The following MARCHF1 variants were observed in gnomAD, a reference collection of about 807,000 sequenced individuals.
MARCHF1 encodes membrane associated ring-CH-type finger 1.
In MARCHF1, 40 loss-of-function variants were observed where a neutral mutation model predicts 54.2. That is an observed-to-expected ratio of 0.74 (90% CI 0.57 to 0.96). The LOEUF (loss-of-function observed/expected upper bound fraction) is 0.96, where lower values mean the gene tolerates loss of function less well. MARCHF1 is among the 40% of genes least tolerant of loss of function. The pLI is 0.00. For synonymous variants in MARCHF1, 236 were observed against 236.3 expected (o/e 1.00, Z 0.01); for missense variants, 586 against 656.5 (o/e 0.89, Z 1.17).
chr4:163,535,269 A>G (rs1362319949), intron 9 of MARCHF1, among the ~76,000 whole-genome samples: 2 of 152,136 alleles, frequency 1.3e-5, no homozygotes, highest in African/African-American at 2.4e-5. Context: ...TATCAGGCTG[A>G]TACAATACAA....
chr4:163,926,761 A>G (rs1406302853), intron 3 of MARCHF1, among the ~76,000 whole-genome samples: 1 of 151,702 alleles, frequency 6.6e-6, no homozygotes, highest in African/African-American at 2.4e-5. Flanking sequence ...AAGAGTTTTT[A>G]AAGAAAAAGA....
intron 2 of MARCHF1, among the ~76,000 whole-genome samples, chr4:164,071,326 A>G (rs1312098659): frequency 6.6e-6 from 1 of 152,200 alleles, no homozygotes. Flanking sequence ...AAAACAAAAG[A>G]AAGTATAATT....
intron 1 of MARCHF1, among the ~76,000 whole-genome samples, chr4:164,370,666 T>C (rs1033186066): frequency 6.6e-6 from 1 of 152,228 alleles, no homozygotes; most frequent in African/African-American, 2.4e-5. Flanking sequence ...CCCAGCACTT[T>C]GGGAAGCCCA....
intron 1 of MARCHF1, among the ~76,000 whole-genome samples, chr4:164,306,719 T>G (rs1734705886): frequency 6.6e-6 from 1 of 152,160 alleles, no homozygotes; most frequent in Non-Finnish European, 1.5e-5. Flanking sequence ...ACAGAAAGGT[T>G]GCAAATTTTT....
Position 163,921,816 on chromosome 4 carries a change from C to T in MARCHF1, c.-39+66685G>A, listed in dbSNP as rs1751436347. Among the ~76,000 whole-genome samples the T allele has an allele frequency of 3.3e-5, 5 of 152,182 alleles. No homozygotes were observed. The South Asian group carries it at 1.0e-3, about 32-fold the overall frequency. On this transcript the variant is annotated intron_variant, in intron 3 of 9. Coordinates refer to ENST00000514618, the MANE Select transcript of MARCHF1 (RefSeq NM_001394959.1). Reference sequence around the variant, plus strand: ...AGACTTTGAAGTTGGGAAAAATTCTCAGGAATCTTGGAAATTGGCAAAGGT... The same window carrying T: ...AGACTTTGAAGTTGGGAAAAATTCTTAGGAATCTTGGAAATTGGCAAAGGT...
At chr4:163,962,162 A>G (rs1752356107) in intron 3 of MARCHF1, among the ~76,000 whole-genome samples, 1 of 151,976 alleles carries the variant, frequency 6.6e-6, no homozygotes, top group African/African-American at 2.4e-5. Flanking sequence ...CCTAAAGCCA[A>G]TAGCCTAAAT....
chr4:163,995,010 G>T (rs1453935286), intron 2 of MARCHF1, among the ~76,000 whole-genome samples: 1 of 151,964 alleles, frequency 6.6e-6, no homozygotes, highest in East Asian at 1.9e-4. Context: ...AAGCAATTCT[G>T]CAGCAGACAC....
chr4:163,559,675 C>CT (rs1739404954), intron 8 of MARCHF1, among the ~76,000 whole-genome samples: 2 of 152,224 alleles, frequency 1.3e-5, no homozygotes, highest in African/African-American at 4.8e-5. Context: ...TGTCCTATGT[C>CT]TATTATTCCT....
chr4:163,897,627 C>T (rs1354718678), intron 3 of MARCHF1, among the ~76,000 whole-genome samples: 4 of 152,090 alleles, frequency 2.6e-5, no homozygotes, highest in African/African-American at 7.2e-5. Flanking sequence ...GGAAAGAACA[C>T]ACTATTCAAT....
intron 2 of MARCHF1, among the ~76,000 whole-genome samples, chr4:164,036,365 G>T (rs1232901426): frequency 2.6e-5 from 4 of 152,104 alleles, no homozygotes; most frequent in Admixed American, 1.3e-4. Context: ...GAAGCAAGCT[G>T]CTAGGAGTAT....
chr4:163,831,501 G>T (rs1749024203), intron 4 of MARCHF1, among the ~76,000 whole-genome samples: 1 of 152,110 alleles, frequency 6.6e-6, no homozygotes, highest in East Asian at 1.9e-4. Context: ...TGAGGTGGGG[G>T]GATTGCTTGA....
chr4:164,172,186 C>A (rs1730543810), intron 1 of MARCHF1, among the ~76,000 whole-genome samples: 1 of 152,008 alleles, frequency 6.6e-6, no homozygotes, highest in Non-Finnish European at 1.5e-5. Context: ...TCATTATTTC[C>A]CCAGTGCCTA....
At chr4:164,268,527 C>T (rs556591882) in intron 1 of MARCHF1, among the ~76,000 whole-genome samples, 1 of 152,252 alleles carries the variant, frequency 6.6e-6, no homozygotes, top group South Asian at 2.1e-4. Context: ...AGCTTGGGTT[C>T]TGTGCCCACA....
intron 7 of MARCHF1, among the ~76,000 whole-genome samples, chr4:163,596,951 A>AGTT (rs1553995442): frequency 6.6e-6 from 1 of 150,668 alleles, no homozygotes; most frequent in Non-Finnish European, 1.5e-5. Context: ...TAATTACCCC[A>AGTT]ATTATTATTA....
At chr4:163,612,205 G>T in intron 7 of MARCHF1, 66 bp downstream of exon 7, 1 of 1,299,324 alleles carries the variant, frequency 7.7e-7, no homozygotes, top group Non-Finnish European at 1.0e-6. Flanking sequence ...TGTCAAACAC[G>T]CACCTAACTC....
intron 1 of MARCHF1, chr4:164,189,506 C>A (rs1731066957): frequency 5.4e-6 from 4 of 745,880 alleles, no homozygotes; most frequent in South Asian, 4.5e-5. Context: ...GTTAAAAAGT[C>A]CTTCAATGGC....
chr4:163,999,189 A>G (rs1753138781), intron 2 of MARCHF1, among the ~76,000 whole-genome samples: 1 of 151,634 alleles, frequency 6.6e-6, no homozygotes, highest in Admixed American at 6.6e-5. Context: ...CAATGTATAT[A>G]TATTTCAAAA....
At chr4:164,292,010 G>T (rs1480264843) in intron 1 of MARCHF1, among the ~76,000 whole-genome samples, 2 of 151,908 alleles carry the variant, frequency 1.3e-5, no homozygotes, top group Non-Finnish European at 2.9e-5. Flanking sequence ...ATTAATTTTA[G>T]TTTACATGTT....
At position 164,346,155 on chromosome 4, in the gene MARCHF1, A is replaced by C. The variant is rs181668943; in HGVS notation, c.-323+37715T>G. Among the ~76,000 whole-genome samples, 3 of 152,294 alleles carry C rather than the reference A, an allele frequency of 2.0e-5. No homozygotes were observed. The East Asian group carries it at 5.8e-4, about 29-fold the overall frequency. On this transcript the variant is annotated intron_variant, in intron 1 of 9. Coordinates refer to ENST00000514618, the MANE Select transcript of MARCHF1 (RefSeq NM_001394959.1). ...GTATCAGAACTGAGACTTTGTTCTC[A>C]TTAGCTCTGAGTAAATGAGTTAAAC...
Sources: gnomAD v4.1 joint callset for allele counts (sites outside exome capture counted in the v4.1 genomes callset) on GRCh38, gnomAD v4.1.1 for gene constraint, MANE v1.5 for transcripts, NCBI Gene and HGNC (gene_info 2026-07-23, HGNC 2026-07-21) for gene names.